Variants in FRMD4B observed in about 807,000 individuals in gnomAD.
The protein encoded by FRMD4B is FERM domain containing 4B, also known as FERM domain-containing protein 4B.
In FRMD4B, 74 loss-of-function variants were observed where a neutral mutation model predicts 141.5. That is an observed-to-expected ratio of 0.52 (90% CI 0.43 to 0.63). The LOEUF is 0.63. Ranked by LOEUF, FRMD4B falls within the 30% of genes least tolerant of loss-of-function variation. FRMD4B has a pLI of 0.00. For missense variants in FRMD4B, 1,366 were observed against 1,253.4 expected, an observed-to-expected ratio of 1.09 and a Z score of -1.36; for synonymous variants, 506 against 467.9, an observed-to-expected ratio of 1.08 and a Z score of -1.05.
intron 2 of FRMD4B, among the ~76,000 whole-genome samples, chr3:69,407,520 A>G (rs1704669703): frequency 6.6e-6 from 1 of 152,208 alleles, no homozygotes; most frequent in African/African-American, 2.4e-5. Context: ...TTAAGTTTCA[A>G]CTCCGGACTT....
intron 5 of FRMD4B, among the ~76,000 whole-genome samples, chr3:69,270,561 CTTTTTTTCTTTTTT>C (rs1190861752): frequency 7.1e-6 from 1 of 141,042 alleles, no homozygotes; most frequent in Non-Finnish European, 1.5e-5. Flanking sequence ...TTCTTTTTTT[CTTTTTTTCTTTTTT>C]TTTTTTTTTG....
chr3:69,372,440 G>A (rs1311944781), intron 1 of FRMD4B, among the ~76,000 whole-genome samples: 2 of 152,188 alleles, frequency 1.3e-5, no homozygotes, highest in African/African-American at 4.8e-5. Flanking sequence ...TGAAGTGGGC[G>A]GATCACCCGA....
intron 1 of FRMD4B, among the ~76,000 whole-genome samples, chr3:69,517,946 T>C (rs1471348228): frequency 6.6e-6 from 1 of 152,194 alleles, no homozygotes; most frequent in African/African-American, 2.4e-5. Context: ...GAGTTTCTGA[T>C]TCTGTAGAGA....
intron 1 of FRMD4B, among the ~76,000 whole-genome samples, chr3:69,470,926 G>T (rs1334594119): frequency 1.3e-5 from 2 of 152,158 alleles, no homozygotes; most frequent in African/African-American, 4.8e-5. Context: ...CGACAGGCTT[G>T]AAACAATAGA....
At chr3:69,494,866 T>C (rs1013432103) in intron 1 of FRMD4B, among the ~76,000 whole-genome samples, 7 of 146,668 alleles carry the variant, frequency 4.8e-5, no homozygotes, top group Non-Finnish European at 8.9e-5. Flanking sequence ...CACTCCAGCA[T>C]GGGCAACAAG....
chr3:69,189,954 T>C lies in FRMD4B; in HGVS notation c.1715-2A>G, dbSNP rs747747209. ...TACTCTCTGAGGGGATTATGTCTTC[T>C]GTGAATAAAAATAACTGCCTTTAGT... On this transcript the variant is annotated splice_acceptor_variant, in intron 17 of 22. Coordinates refer to ENST00000398540, the MANE Select transcript of FRMD4B (RefSeq NM_015123.3). LOFTEE classifies it high-confidence loss of function. 6 of 1,577,358 alleles carry C rather than the reference T, an allele frequency of 3.8e-6. No individual in the cohort carries two copies. Among genetic ancestry groups the C allele is most frequent in the South Asian group, 1.1e-5 (1 of 90,024 alleles).
chr3:69,202,105 A>G (rs957605832), intron 11 of FRMD4B, among the ~76,000 whole-genome samples: 1 of 152,126 alleles, frequency 6.6e-6, no homozygotes, highest in East Asian at 1.9e-4. Flanking sequence ...TGGGAGACTG[A>G]GGCAGGAGCA....
chr3:69,352,653 C>G (rs1564757), intron 1 of FRMD4B, among the ~76,000 whole-genome samples: 105,198 of 151,958 alleles, frequency 0.69, 37,222 homozygotes, highest in African/African-American at 0.83. Flanking sequence ...TACAAGGCAG[C>G]AAAGAAAAAA....
At chr3:69,260,292 C>A (rs1174628274) in intron 5 of FRMD4B, among the ~76,000 whole-genome samples, 1 of 152,230 alleles carries the variant, frequency 6.6e-6, no homozygotes. Context: ...GGAACCAGGG[C>A]TGTGCACCGT....
At chr3:69,196,862 G>A in intron 13 of FRMD4B, 38 bp downstream of exon 13, 2 of 1,508,580 alleles carry the variant, frequency 1.3e-6, no homozygotes, top group South Asian at 1.2e-5. Context: ...AATGCAAAAG[G>A]GGAATCTGTC....
chr3:69,212,381 G>GAAAAAAAAAAAAAAAAAAA (rs61444871), intron 11 of FRMD4B, among the ~76,000 whole-genome samples: 4 of 95,626 alleles, frequency 4.2e-5, no homozygotes, highest in South Asian at 3.6e-4. Flanking sequence ...AAAAAAAAAA[G>GAAAAAAAAAAAAAAAAAAA]AAAAAAAAAA....
chr3:69,378,051 C>T (rs1704020863), intron 1 of FRMD4B, among the ~76,000 whole-genome samples: 1 of 151,790 alleles, frequency 6.6e-6, no homozygotes, highest in Non-Finnish European at 1.5e-5. Context: ...AACTCCTGGC[C>T]TCAAGTGATC....
intron 1 of FRMD4B, among the ~76,000 whole-genome samples, chr3:69,464,267 T>A (rs1705748914): frequency 6.6e-6 from 1 of 152,156 alleles, no homozygotes; most frequent in African/African-American, 2.4e-5. Context: ...ATGGGAAGGG[T>A]ATGTTGGCCA....
intron 7 of FRMD4B, among the ~76,000 whole-genome samples, chr3:69,232,745 G>A (rs892661863): frequency 3.3e-5 from 5 of 152,062 alleles, no homozygotes; most frequent in African/African-American, 1.2e-4. Flanking sequence ...TCAGAGACTG[G>A]CGTAGAAGGG....
intron 1 of FRMD4B, among the ~76,000 whole-genome samples, chr3:69,503,805 G>A (rs1056877158): frequency 1.3e-5 from 2 of 151,908 alleles, no homozygotes; most frequent in Non-Finnish European, 2.9e-5. Flanking sequence ...ATTTGTTACC[G>A]GGCAGACCAT....
chr3:69,340,402 G>A (rs1311000503), intron 1 of FRMD4B, among the ~76,000 whole-genome samples: 1 of 152,142 alleles, frequency 6.6e-6, no homozygotes, highest in African/African-American at 2.4e-5. Flanking sequence ...ACTTACAAGT[G>A]AGAACATATG....
chr3:69,374,182 A>G (rs2872806), intron 1 of FRMD4B, among the ~76,000 whole-genome samples: 142,039 of 152,244 alleles, frequency 0.93, 66,258 homozygotes, highest in East Asian at 0.97. Flanking sequence ...CTATTTCTCC[A>G]TCAATGTTAT....
chr3:69,366,133 G>A (rs1236019459), intron 1 of FRMD4B, among the ~76,000 whole-genome samples: 1 of 149,904 alleles, frequency 6.7e-6, no homozygotes, highest in Non-Finnish European at 1.5e-5. Context: ...GGTGGCACAG[G>A]CTTGTAATCC....
chr3:69,244,928 G>GA (rs910380269), intron 7 of FRMD4B, among the ~76,000 whole-genome samples: 1 of 151,876 alleles, frequency 6.6e-6, no homozygotes, highest in Non-Finnish European at 1.5e-5. Flanking sequence ...GCTTTATGGG[G>GA]AAAAAAAGCT....
Sources: gnomAD v4.1 joint callset for allele counts (sites outside exome capture counted in the v4.1 genomes callset) on GRCh38, gnomAD v4.1.1 for gene constraint, MANE v1.5 for transcripts, NCBI Gene and HGNC (gene_info 2026-07-23, HGNC 2026-07-21) for gene names.